DDRGK1: variants seen among roughly 807,000 people sequenced by gnomAD.
DDRGK1 encodes DDRGK domain containing 1.
In DDRGK1, 38 loss-of-function variants were observed where a neutral mutation model predicts 45.8. That is an observed-to-expected ratio of 0.83 (90% CI 0.64 to 1.09). The LOEUF is 1.09. Among genes scored for constraint, DDRGK1 ranks in the 50% least tolerant of loss-of-function variants. DDRGK1 has a pLI of 0.00. For synonymous variants in DDRGK1, 171 were observed against 168.7 expected (o/e 1.01, Z -0.11); for missense variants, 403 against 419.9 (o/e 0.96, Z 0.35).
chr20:3,201,961 C>G (rs1283037820), intron 2 of DDRGK1, among the ~76,000 whole-genome samples: 3 of 146,462 alleles, frequency 2.0e-5, no homozygotes, highest in South Asian at 4.3e-4. Flanking sequence ...CATGCCCAGC[C>G]CAGAGAGGGT....
chr20:3,191,040 G>C (rs983779100), intron 8 of DDRGK1, 150 bp downstream of exon 8: 1 of 1,195,654 alleles, frequency 8.4e-7, no homozygotes, highest in South Asian at 1.4e-5. Flanking sequence ...TGTCCTCCTT[G>C]TAACTGCATC....
At chr20:3,196,505 G>A (rs28688833) in intron 4 of DDRGK1, among the ~76,000 whole-genome samples, 3,459 of 115,022 alleles carry the variant, frequency 0.03, 107 homozygotes, top group East Asian at 0.11. Flanking sequence ...GTGAAACCCT[G>A]TCTCCACTAA....
intron 7 of DDRGK1, 186 bp from the exon 8 acceptor site, chr20:3,191,424 C>T: frequency 1.5e-6 from 1 of 679,222 alleles, no homozygotes; most frequent in Non-Finnish European, 2.6e-6. Context: ...CCCTGCAAGA[C>T]CCCCAAAAGA....
intron 6 of DDRGK1, among the ~76,000 whole-genome samples, chr20:3,192,912 T>C (rs2066995385): frequency 6.6e-6 from 1 of 152,150 alleles, no homozygotes; most frequent in South Asian, 2.1e-4. Flanking sequence ...TGGGTCAGGA[T>C]GGGCAAGGAC....
intron 4 of DDRGK1, among the ~76,000 whole-genome samples, chr20:3,198,771 A>G (rs1013418547): frequency 7.1e-6 from 1 of 140,842 alleles, no homozygotes; most frequent in Non-Finnish European, 1.5e-5. Flanking sequence ...CTAAGGAGAC[A>G]TGACCACTAA....
rs903422101 is a variant in DDRGK1 at position 3,194,926 on chromosome 20, C to T, written c.634-58G>A. On this transcript the variant is annotated intron_variant, in intron 5 of 8. Transcript: ENST00000354488. Reference sequence around the variant, plus strand: ...CCTAGCAAGCCCACAGGGTTCTGTACCCATTCACCCAAGTACCACCTGCTC... The same window carrying T: ...CCTAGCAAGCCCACAGGGTTCTGTATCCATTCACCCAAGTACCACCTGCTC... The T allele has an allele frequency of 7.5e-6, 12 of 1,597,384 alleles. No homozygotes were observed. In the Admixed American group the frequency reaches 1.2e-4, roughly 16 times the overall value.
Position 3,190,515 on chromosome 20 carries a change from C to A in DDRGK1, c.*138G>T. 2 of 1,129,968 alleles carry A rather than the reference C, an allele frequency of 1.8e-6. No homozygotes were observed. The highest frequency in any genetic ancestry group is 2.5e-6 in the Non-Finnish European group (2 of 795,674). 70.0% of individuals were successfully genotyped at this position (1,129,968 alleles called of 1,614,324 possible). On this transcript the variant is annotated 3_prime_UTR_variant, in exon 9 of 9. Transcript: ENST00000354488. ...GGCCTTCTGCCACACCAAGCCACAC[C>A]AAGCTCAGCAGTACTCACAGGCCTT...
rs553274398 is a variant in DDRGK1, at chr20:3,199,234, A to G, written c.510+767T>C. On this transcript the variant is annotated intron_variant, in intron 4 of 8. Coordinates refer to ENST00000354488, the MANE Select transcript of DDRGK1 (RefSeq NM_023935.3). ...TGTCAATATTAGTTGTGAGGAAGGT[A>G]TTAAAGTGAGGTAGGACGTTAAGGA... 2.0e-5 allele frequency among the ~76,000 whole-genome samples: 3 copies of G among 152,346 alleles called. No homozygotes were observed. The East Asian group carries it at 5.8e-4, about 29-fold the overall frequency.
At chr20:3,200,229 G>A (rs2067029947) in intron 3 of DDRGK1, 113 bp downstream of exon 3, 3 of 1,452,952 alleles carry the variant, frequency 2.1e-6, no homozygotes, top group Non-Finnish European at 2.8e-6. Context: ...ACAGAGCCAG[G>A]GAAGCAGCAA....
At chr20:3,197,333 C>T (rs2067015613) in intron 4 of DDRGK1, among the ~76,000 whole-genome samples, 1 of 152,066 alleles carries the variant, frequency 6.6e-6, no homozygotes. Flanking sequence ...ACTCTAACTC[C>T]CCAACCCTTA....
intron 1 of DDRGK1, among the ~76,000 whole-genome samples, chr20:3,203,890 G>A (rs1200715419): frequency 2.0e-5 from 3 of 152,172 alleles, no homozygotes; most frequent in Non-Finnish European, 2.9e-5. Context: ...GTGCTCAGAG[G>A]TAGCTTGTGG....
At chr20:3,200,579 G>C in intron 2 of DDRGK1, 125 bp from the exon 3 acceptor site, 2 of 753,958 alleles carry the variant, frequency 2.7e-6, no homozygotes, top group Non-Finnish European at 2.2e-6. Flanking sequence ...AATGTCACTA[G>C]CCCAGCTCTG....
At chr20:3,204,486 G>A (rs1376216284) in intron 1 of DDRGK1, 51 bp downstream of exon 1, 1 of 1,524,390 alleles carries the variant, frequency 6.6e-7, no homozygotes, top group South Asian at 1.2e-5. Flanking sequence ...CAAAGGCTCA[G>A]AAGGCCAGAA....
Position 3,200,330 on chromosome 20 carries a change from C to T in DDRGK1, c.408+12G>A. On this transcript the variant is annotated intron_variant, in intron 3 of 8. Transcript: ENST00000354488. ...GCACTTCCCAGAGCTGCACCCCATC[C>T]CTCCGGCTTGCCTCACGCTGGGCCT... is the stretch of plus-strand genomic sequence containing the variant. The T allele has an allele frequency of 6.4e-7, 1 of 1,556,488 alleles. No individual in the cohort carries two copies. The highest frequency in any genetic ancestry group is 1.4e-5 in the African/African-American group (1 of 73,478).
intron 6 of DDRGK1, among the ~76,000 whole-genome samples, chr20:3,192,880 A>G (rs577370500): frequency 1.3e-4 from 20 of 152,328 alleles, no homozygotes; most frequent in African/African-American, 4.6e-4. Flanking sequence ...ATGTACAAGC[A>G]AGAAGGCAAG....
intron 4 of DDRGK1, among the ~76,000 whole-genome samples, chr20:3,197,127 G>A (rs1443067855): frequency 6.6e-6 from 1 of 151,322 alleles, no homozygotes; most frequent in African/African-American, 2.4e-5. Flanking sequence ...AGAGGCTGAG[G>A]CAGCAGAATC....
At chr20:3,195,012 T>C in intron 5 of DDRGK1, 144 bp from the exon 6 acceptor site, 13 of 1,327,846 alleles carry the variant, frequency 9.8e-6, no homozygotes, top group East Asian at 2.4e-5. Flanking sequence ...CACATACCGC[T>C]TGCCTACACA....
Position 3,203,281 on chromosome 20 carries a change from G to A in DDRGK1, c.227C>T (p.Ala76Val), listed in dbSNP as rs2067049623. The stretch of plus-strand genomic sequence containing the variant: ...GGCCACCCGCTGGGCTCGACGCTGG[G>A]CCTGTAGGCGGCTGCCCAGGTCCCT... ...RRRDLGSRLQ[A>V]QRRAQRVAWA... is the part of the protein sequence containing the mutation. Residue 76 changes from alanine (A) to valine (V), a missense_variant, in exon 2 of 9, where the codon GCC (alanine) becomes GTC (valine). Coordinates refer to ENST00000354488, the MANE Select transcript of DDRGK1 (RefSeq NM_023935.3). 1 of 1,607,934 alleles carries A rather than the reference G, an allele frequency of 6.2e-7. No homozygotes were observed. Among genetic ancestry groups the A allele is most frequent in the African/African-American group, 1.3e-5 (1 of 74,860 alleles).
intron 1 of DDRGK1, among the ~76,000 whole-genome samples, chr20:3,204,118 G>C (rs1404687209): frequency 6.6e-6 from 1 of 152,166 alleles, no homozygotes; most frequent in African/African-American, 2.4e-5. Context: ...GCTCGTGGGG[G>C]ACAGGCAGAA....
Sources: gnomAD v4.1 joint callset for allele counts (sites outside exome capture counted in the v4.1 genomes callset) on GRCh38, gnomAD v4.1.1 for gene constraint, MANE v1.5 for transcripts, NCBI Gene and HGNC (gene_info 2026-07-23, HGNC 2026-07-21) for gene names.